The following SORCS3 variants were observed in gnomAD, a reference collection of about 807,000 sequenced individuals.
SORCS3 encodes VPS10 domain-containing receptor SorCS3.
SORCS3 carries 57 observed loss-of-function variants against 146.3 expected under a neutral mutation model. The observed-to-expected ratio is 0.39, with a 90% confidence interval of 0.31 to 0.49. The LOEUF (loss-of-function observed/expected upper bound fraction) is 0.49. Ranked by LOEUF, SORCS3 falls within the 20% of genes least tolerant of loss-of-function variation. SORCS3 has a pLI of 0.92. For synonymous variants in SORCS3, 653 were observed against 618.5 expected (o/e 1.06, Z -0.83); for missense variants, 1,341 against 1,575.5 (o/e 0.85, Z 2.52).
chr10:104,641,803 C>G lies in SORCS3; in HGVS notation c.476C>G (p.Pro159Arg), dbSNP rs1283505583. The G allele has an allele frequency of 1.3e-6, 2 of 1,551,574 alleles. No homozygotes were observed. The highest frequency in any genetic ancestry group is 2.4e-5 in the East Asian group (1 of 41,106). Residue 159 changes from proline (P) to arginine (R), a missense_variant, in exon 1 of 27, where the codon CCC (proline) becomes CGC (arginine). Physicochemically the swap from Pro to Arg is moderately radical, Grantham distance 103. Coordinates refer to ENST00000369701, the MANE Select transcript of SORCS3 (RefSeq NM_014978.3). The surrounding 1 kb of genome is among the most constrained non-coding windows in gnomAD (Gnocchi z 6.4). ...GCCGATGGTTCCAGAGGAAGCCGTC[C>G]CCTTGCTAAGGGTTCCCGGGAGGAG... ...APADGSRGSR[P>R]LAKGSREEVK...
intron 7 of SORCS3, among the ~76,000 whole-genome samples, chr10:105,111,489 T>C (rs1174857183): frequency 1.3e-5 from 2 of 152,212 alleles, no homozygotes; most frequent in Non-Finnish European, 2.9e-5. Flanking sequence ...TAGTTAGTTA[T>C]CTTTTTCAAG....
At chr10:105,259,890 C>T (rs2056951053) in intron 25 of SORCS3, among the ~76,000 whole-genome samples, 1 of 152,106 alleles carries the variant, frequency 6.6e-6, no homozygotes, top group African/African-American at 2.4e-5. Flanking sequence ...CCATATTACT[C>T]CTCTTATTTA....
intron 7 of SORCS3, among the ~76,000 whole-genome samples, chr10:105,135,822 T>C (rs2056055192): frequency 6.6e-6 from 1 of 152,196 alleles, no homozygotes; most frequent in South Asian, 2.1e-4. Flanking sequence ...TACTCCTCAT[T>C]TCCATCTAAG....
rs187460548 is a variant in SORCS3, at chr10:105,109,896, G to T, written c.1212+4381G>T. Among the ~76,000 whole-genome samples the T allele has an allele frequency of 3.4e-3, 512 of 151,856 alleles. 2 individuals are homozygous for T. Among genetic ancestry groups the T allele is most frequent in the Non-Finnish European group, 4.5e-3 (304 of 67,874 alleles). ...ATTCTTCTGGAATATTAATTTTTTT[G>T]TTAAATAGATTGAATTTTTTCTTTA... is the stretch of plus-strand genomic sequence containing the variant. On this transcript the variant is annotated intron_variant, in intron 7 of 26. Transcript: ENST00000369701.
intron 3 of SORCS3, among the ~76,000 whole-genome samples, chr10:104,972,822 G>A (rs1469265732): frequency 3.3e-5 from 5 of 152,130 alleles, no homozygotes; most frequent in Non-Finnish European, 7.4e-5. Context: ...TATGATATTG[G>A]CTGTGGGTTT....
chr10:105,262,277 C>A, intron 25 of SORCS3, 54 bp from the exon 26 acceptor site: 1 of 1,561,490 alleles, frequency 6.4e-7, no homozygotes, highest in South Asian at 1.1e-5. Context: ...TTCCAGCTGC[C>A]CAAGTTTGGC....
intron 4 of SORCS3, 105 bp downstream of exon 4, chr10:104,977,598 A>G: frequency 4.5e-6 from 5 of 1,109,854 alleles, no homozygotes; most frequent in Non-Finnish European, 6.2e-6. Flanking sequence ...GTGACATTTC[A>G]TCATTCCAAC....
chr10:104,933,029 C>T (rs967877229), intron 3 of SORCS3, among the ~76,000 whole-genome samples: 4 of 152,098 alleles, frequency 2.6e-5, no homozygotes, highest in African/African-American at 9.7e-5. Context: ...CTGTGCTGGC[C>T]CCCTTGGACA....
chr10:104,849,662 C>T (rs1184840030), intron 2 of SORCS3, among the ~76,000 whole-genome samples: 1 of 152,114 alleles, frequency 6.6e-6, no homozygotes, highest in Non-Finnish European at 1.5e-5. Flanking sequence ...AAGTCTATCT[C>T]ATATAGGTTT....
rs572282406 is a variant in SORCS3, at chr10:105,197,442, G to A, written c.2010-2557G>A. ...CACTACCAAAGCCCAAACATGTGCTGTAGATTCAAACACTCAGTCTATATC... is the reference window on the plus strand; with the variant it reads ...CACTACCAAAGCCCAAACATGTGCTATAGATTCAAACACTCAGTCTATATC... On this transcript the variant is annotated intron_variant, in intron 14 of 26. Coordinates refer to ENST00000369701, the MANE Select transcript of SORCS3 (RefSeq NM_014978.3). Among the ~76,000 whole-genome samples the A allele has an allele frequency of 5.9e-5, 9 of 152,282 alleles. No individual in the cohort carries two copies. In the South Asian group the frequency reaches 1.9e-3, roughly 32 times the overall value.
chr10:105,000,184 A>G (rs1441311910), intron 4 of SORCS3, among the ~76,000 whole-genome samples: 1 of 152,212 alleles, frequency 6.6e-6, no homozygotes, highest in Non-Finnish European at 1.5e-5. Flanking sequence ...AGAAGAAAAC[A>G]GAGTGGGAAT....
intron 19 of SORCS3, chr10:105,217,770 C>G: frequency 2.2e-6 from 1 of 453,380 alleles, no homozygotes; most frequent in South Asian, 1.6e-5. Context: ...TTCATTTGTG[C>G]TGGATGCATT....
chr10:104,873,984 G>C (rs149721582), intron 2 of SORCS3, among the ~76,000 whole-genome samples: 17 of 152,248 alleles, frequency 1.1e-4, no homozygotes, highest in African/African-American at 4.1e-4. Flanking sequence ...TATTAAACAA[G>C]TTCTTTCAGG....
intron 1 of SORCS3, among the ~76,000 whole-genome samples, chr10:104,729,243 C>T (rs969466163): frequency 2.6e-5 from 4 of 152,176 alleles, no homozygotes; most frequent in Non-Finnish European, 5.9e-5. Context: ...TTTTATGGTA[C>T]ACGTGTATAT....
chr10:105,089,298 T>C (rs2055684891), intron 5 of SORCS3, among the ~76,000 whole-genome samples: 1 of 152,178 alleles, frequency 6.6e-6, no homozygotes, highest in Non-Finnish European at 1.5e-5. Flanking sequence ...AGGAATATCT[T>C]GAAGCAAACA....
In SORCS3 at chr10:105,164,393, T is replaced by C. The variant is rs1462530093; in HGVS notation, c.1809+14T>C. The C allele has an allele frequency of 1.1e-5, 18 of 1,593,388 alleles. No individual in the cohort carries two copies. Among genetic ancestry groups the C allele is most frequent in the Non-Finnish European group, 1.4e-5 (16 of 1,161,462 alleles). ...ACATGGAGACAGGTAACTGGGTGAA[T>C]TGACAAAAAGGGAGGAGGCATTTAG... On this transcript the variant is annotated intron_variant, in intron 12 of 26. Transcript: ENST00000369701.
At chr10:105,131,245 C>T (rs1278705845) in intron 7 of SORCS3, among the ~76,000 whole-genome samples, 1 of 152,136 alleles carries the variant, frequency 6.6e-6, no homozygotes, top group Non-Finnish European at 1.5e-5. Context: ...AATTGTGCAT[C>T]GTAACATCTT....
chr10:105,164,337 T>C lies in SORCS3; in HGVS notation c.1767T>C (p.Ile589=). ...NIGPELSYTD[I]GVFISSDGGN... is the part of the protein sequence containing the mutation. ...GCCCGGAGCTCTCATATACTGATAT[T>C]GGTGTGTTCATCTCCTCCGATGGGG... The change falls in exon 12 of 27, where the codon ATT becomes ATC. Residue 589 remains isoleucine (I), a synonymous_variant. Coordinates refer to ENST00000369701, the MANE Select transcript of SORCS3 (RefSeq NM_014978.3). 1 of 1,613,756 alleles carries C rather than the reference T, an allele frequency of 6.2e-7. No homozygotes were observed.
intron 1 of SORCS3, among the ~76,000 whole-genome samples, chr10:104,728,114 A>G (rs2016663948): frequency 6.6e-6 from 1 of 151,390 alleles, no homozygotes; most frequent in Admixed American, 6.6e-5. Context: ...TGTCCATACC[A>G]TCAGGTTTTT....
Sources: gnomAD v4.1 joint callset for allele counts (sites outside exome capture counted in the v4.1 genomes callset) on GRCh38, gnomAD v4.1.1 for gene constraint, Gnocchi (gnomAD v3.1) non-coding constraint, MANE v1.5 for transcripts, NCBI Gene and HGNC (gene_info 2026-07-23, HGNC 2026-07-21) for gene names.